The following LAMA3 variants were observed in gnomAD, a reference collection of about 807,000 sequenced individuals.
The protein encoded by LAMA3 is laminin subunit alpha-3.
A neutral mutation model predicts 402.0 loss-of-function variants in LAMA3; 281 were observed. The ratio of observed to expected loss-of-function variants is 0.70; its 90% confidence interval spans 0.63 to 0.77. LAMA3 has a LOEUF of 0.77. LAMA3 is among the 30% of genes least tolerant of loss of function. LAMA3 has a pLI of 0.00. For missense variants in LAMA3, 3,840 were observed against 4,215.5 expected, an observed-to-expected ratio of 0.91 and a Z score of 2.47; for synonymous variants, 1,431 against 1,558.4, an observed-to-expected ratio of 0.92 and a Z score of 1.93.
chr18:23,741,425 TA>T (rs2061561741), intron 2 of LAMA3, among the ~76,000 whole-genome samples: 2 of 152,148 alleles, frequency 1.3e-5, no homozygotes, highest in African/African-American at 4.8e-5. Context: ...CTTCATTTTG[TA>T]AAAAAATGTC....
At chr18:23,837,385 C>T (rs1159492564) in intron 25 of LAMA3, 1 of 329,478 alleles carries the variant, frequency 3.0e-6, no homozygotes, top group Non-Finnish European at 5.7e-6. Context: ...ATTATATTTC[C>T]TAGTTTACCA....
chr18:23,697,607 G>A (rs534859542), intron 1 of LAMA3, among the ~76,000 whole-genome samples: 2 of 152,210 alleles, frequency 1.3e-5, no homozygotes, highest in Non-Finnish European at 2.9e-5. Context: ...CCAGCATGAC[G>A]TTCAAAGAAG....
intron 12 of LAMA3, among the ~76,000 whole-genome samples, chr18:23,792,799 G>C (rs752025376): frequency 6.6e-6 from 1 of 152,148 alleles, no homozygotes; most frequent in African/African-American, 2.4e-5. Context: ...GCCAAATATG[G>C]GGGAATCCAG....
At chr18:23,915,192 C>A in intron 58 of LAMA3, 97 bp from the exon 59 acceptor site, 1 of 1,349,296 alleles carries the variant, frequency 7.4e-7, no homozygotes, top group Non-Finnish European at 1.0e-6. Flanking sequence ...TCTTAATTAA[C>A]CCTTATGCCA....
Position 23,921,040 on chromosome 18 carries a change from G to C in LAMA3, c.8029G>C (p.Gly2677Arg). Residue 2677 changes from glycine to arginine, a missense_variant, in exon 61 of 75, where the codon GGC becomes CGC. By Grantham distance (125) the Gly-to-Arg change is moderately radical. Transcript: ENST00000313654. ...ERGVGDAINN[G>R]RDHSIQIKIG... ...AGGAGTTGGAGACGCCATAAACAAC[G>C]GCAGAGACCATTCGGTACACCTTTT... is the stretch of plus-strand genomic sequence containing the variant. The C allele has an allele frequency of 6.2e-7, 1 of 1,613,992 alleles. No homozygotes were observed. The highest frequency in any genetic ancestry group is 1.3e-5 in the African/African-American group (1 of 75,026).
chr18:23,878,916 T>C (rs2064809895), intron 39 of LAMA3, among the ~76,000 whole-genome samples: 1 of 152,092 alleles, frequency 6.6e-6, no homozygotes, highest in South Asian at 2.1e-4. Flanking sequence ...GGCCTCCTCC[T>C]ATGTGCTGAG....
intron 12 of LAMA3, among the ~76,000 whole-genome samples, chr18:23,799,272 G>A (rs1294525881): frequency 6.6e-6 from 1 of 152,012 alleles, no homozygotes; most frequent in Admixed American, 6.6e-5. Context: ...AAAATACTCC[G>A]GAAACTCCAA....
At chr18:23,851,176 G>T (rs1183735458) in intron 32 of LAMA3, among the ~76,000 whole-genome samples, 1 of 152,206 alleles carries the variant, frequency 6.6e-6, no homozygotes, top group Non-Finnish European at 1.5e-5. Context: ...AATCTGTGAG[G>T]CTGGCCAGGC....
At chr18:23,933,648 G>A in intron 66 of LAMA3, 134 bp from the exon 67 acceptor site, 1 of 816,682 alleles carries the variant, frequency 1.2e-6, no homozygotes, top group Non-Finnish European at 2.0e-6. Flanking sequence ...CTATCTAACT[G>A]CATTTTTGTA....
chr18:23,938,320 G>A (rs552944140), intron 67 of LAMA3, among the ~76,000 whole-genome samples: 2 of 152,156 alleles, frequency 1.3e-5, no homozygotes, highest in African/African-American at 4.8e-5. Flanking sequence ...AGCTCTGAGC[G>A]CCTGGGAAAA....
At chr18:23,773,630 T>C in intron 9 of LAMA3, 43 bp downstream of exon 9, 1 of 1,283,158 alleles carries the variant, frequency 7.8e-7, no homozygotes. Flanking sequence ...CTGTGTGTAC[T>C]GCCTCAGCGA....
chr18:23,738,364 T>C (rs1425953018), intron 2 of LAMA3, among the ~76,000 whole-genome samples: 1 of 151,900 alleles, frequency 6.6e-6, no homozygotes, highest in Non-Finnish European at 1.5e-5. Context: ...GGTTCCTCCC[T>C]CCCTCCTTCT....
intron 5 of LAMA3, among the ~76,000 whole-genome samples, chr18:23,752,696 A>G (rs2061774861): frequency 6.6e-6 from 1 of 152,174 alleles, no homozygotes; most frequent in Non-Finnish European, 1.5e-5. Flanking sequence ...GGGGCTGTTA[A>G]TGCCTTCAGA....
intron 2 of LAMA3, among the ~76,000 whole-genome samples, chr18:23,714,474 C>T (rs186919973): frequency 1.2e-4 from 18 of 151,986 alleles, no homozygotes; most frequent in Non-Finnish European, 2.1e-4. Flanking sequence ...GAGCCAAGAT[C>T]GCGCCACTGC....
intron 2 of LAMA3, among the ~76,000 whole-genome samples, chr18:23,740,035 AGT>A (rs1302487779): frequency 6.6e-6 from 1 of 152,236 alleles, no homozygotes; most frequent in Non-Finnish European, 1.5e-5. Context: ...AATGAGAAAA[AGT>A]GAGTTTTACA....
chr18:23,709,871 C>T, intron 1 of LAMA3: 2 of 726,784 alleles, frequency 2.8e-6, no homozygotes, highest in South Asian at 2.7e-5. Flanking sequence ...AATCAGGAGC[C>T]AGTTGAACAT....
chr18:23,891,141 CCTT>C (rs1304174434), intron 42 of LAMA3, among the ~76,000 whole-genome samples: 1 of 152,144 alleles, frequency 6.6e-6, no homozygotes, highest in East Asian at 1.9e-4. Context: ...GCTTATGTAC[CCTT>C]CTTCTTAGGG....
At chr18:23,825,287 C>T (rs990360027) in intron 21 of LAMA3, among the ~76,000 whole-genome samples, 1 of 152,206 alleles carries the variant, frequency 6.6e-6, no homozygotes, top group African/African-American at 2.4e-5. Context: ...TGAGACAGCC[C>T]TCTTTGCTAT....
chr18:23,809,000 A>G (rs2144267423), intron 12 of LAMA3, among the ~76,000 whole-genome samples: 1 of 152,338 alleles, frequency 6.6e-6, no homozygotes, highest in East Asian at 1.9e-4. Context: ...TACACTGGAT[A>G]AAAATTTGGA....
Sources: allele counts gnomAD v4.1 joint callset (sites outside exome capture counted in the v4.1 genomes callset), GRCh38; gene constraint gnomAD v4.1.1; transcripts MANE v1.5; gene names NCBI Gene and HGNC (gene_info 2026-07-23, HGNC 2026-07-21).